PCDH15: variants seen among roughly 807,000 people sequenced by gnomAD.
The protein encoded by PCDH15 is protocadherin-15.
PCDH15 carries 129 observed loss-of-function variants against 178.5 expected under a neutral mutation model. The ratio of observed to expected loss-of-function variants is 0.72; its 90% confidence interval spans 0.63 to 0.84. The LOEUF (loss-of-function observed/expected upper bound fraction) is 0.84. Ranked by LOEUF, PCDH15 falls within the 40% of genes least tolerant of loss-of-function variation. PCDH15 has a pLI of 0.00. For missense variants in PCDH15, 2,230 were observed against 2,099.9 expected, an observed-to-expected ratio of 1.06 and a Z score of -1.21; for synonymous variants, 800 against 732.0, an observed-to-expected ratio of 1.09 and a Z score of -1.50.
At chr10:54,248,856 GA>G (rs1025503619) in intron 8 of PCDH15, among the ~76,000 whole-genome samples, 1 of 151,942 alleles carries the variant, frequency 6.6e-6, no homozygotes, top group Non-Finnish European at 1.5e-5. Flanking sequence ...ATAGGAGTGG[GA>G]AAAAAGAGTA....
At chr10:53,849,933 TA>T (rs202189557) in intron 28 of PCDH15, among the ~76,000 whole-genome samples, 2 of 116,076 alleles carry the variant, frequency 1.7e-5, no homozygotes, top group African/African-American at 3.1e-5. Flanking sequence ...TCATACAAAA[TA>T]AAAAAAAGCT....
chr10:55,481,723 T>C (rs531833499), intron 2 of PCDH15, among the ~76,000 whole-genome samples: 7 of 151,970 alleles, frequency 4.6e-5, no homozygotes, highest in African/African-American at 7.2e-5. Context: ...TTTAGTTCTT[T>C]TGCATTTGCT....
At chr10:53,962,401 T>C (rs2088448437) in intron 21 of PCDH15, among the ~76,000 whole-genome samples, 1 of 152,130 alleles carries the variant, frequency 6.6e-6, no homozygotes, top group African/African-American at 2.4e-5. Context: ...TGTAGTAAAG[T>C]GCAGGAATGG....
chr10:55,042,072 G>C (rs1840876704), intron 2 of PCDH15, among the ~76,000 whole-genome samples: 1 of 152,136 alleles, frequency 6.6e-6, no homozygotes, highest in Non-Finnish European at 1.5e-5. Context: ...AGCACAGCCA[G>C]TGTGGTGAGC....
intron 2 of PCDH15, among the ~76,000 whole-genome samples, chr10:54,929,165 G>GCTTT (rs1250534606): frequency 3.3e-5 from 5 of 152,130 alleles, no homozygotes; most frequent in Non-Finnish European, 7.3e-5. Context: ...CAATTGAATG[G>GCTTT]CTTTCTTTCT....
chr10:54,708,907 A>T (rs888694470), intron 1 of PCDH15, among the ~76,000 whole-genome samples: 2 of 152,152 alleles, frequency 1.3e-5, no homozygotes, highest in African/African-American at 2.4e-5. Flanking sequence ...TCTCTGAAAA[A>T]AAGGAAACAA....
At chr10:54,231,265 C>A (rs1263385240) in intron 9 of PCDH15, among the ~76,000 whole-genome samples, 2 of 152,216 alleles carry the variant, frequency 1.3e-5, no homozygotes, top group African/African-American at 4.8e-5. Flanking sequence ...ACATGGCCCC[C>A]AGATATGCCT....
At chr10:55,340,479 T>C (rs1476398617) in intron 2 of PCDH15, among the ~76,000 whole-genome samples, 1 of 151,962 alleles carries the variant, frequency 6.6e-6, no homozygotes, top group Non-Finnish European at 1.5e-5. Flanking sequence ...TGTGCATTTG[T>C]TATGTTTCAG....
Position 53,879,294 on chromosome 10 carries a change from A to G in PCDH15, c.3502-12437T>C, listed in dbSNP as rs181304501. Among the ~76,000 whole-genome samples the G allele has an allele frequency of 2.4e-3, 370 of 152,310 alleles. 3 individuals are homozygous for G. The highest frequency in any genetic ancestry group is 8.5e-3 in the African/African-American group (353 of 41,584). On this transcript the variant is annotated intron_variant, in intron 26 of 37. Coordinates refer to ENST00000644397, the MANE Select transcript of PCDH15 (RefSeq NM_001384140.1). ...ATCTGCCACTGAGGAAAGTATAGTT[A>G]TTGATGTCTCTTTACTGAATGCTAT...
In PCDH15 at chr10:55,599,960, A is replaced by C. The variant is rs1238315032; in HGVS notation, c.-156+27665T>G. ...AACCAGTGAAATTGACCTACCTATGAAGAGGCGGGTATAAATAAATAGGAG... is the reference window on the plus strand; with the variant it reads ...AACCAGTGAAATTGACCTACCTATGCAGAGGCGGGTATAAATAAATAGGAG... On this transcript the variant is annotated intron_variant, in intron 2 of 5. Transcript: ENST00000613346. 5.3e-6 allele frequency: 8 copies of C among 1,511,396 alleles called. No individual in the cohort carries two copies. The South Asian group carries it at 9.9e-5, about 19-fold the overall frequency. The allele number at this position is 1,511,396 out of a possible 1,614,324, so 93.6% of individuals were successfully genotyped here.
At chr10:54,021,888 A>G (rs1414110211) in intron 19 of PCDH15, among the ~76,000 whole-genome samples, 1 of 151,980 alleles carries the variant, frequency 6.6e-6, no homozygotes, top group Non-Finnish European at 1.5e-5. Context: ...GAGACTTGGC[A>G]TACTATACAT....
intron 1 of PCDH15, among the ~76,000 whole-genome samples, chr10:54,712,680 A>T (rs1189384553): frequency 6.6e-6 from 1 of 151,938 alleles, no homozygotes; most frequent in African/African-American, 2.4e-5. Flanking sequence ...AGCCACGGAA[A>T]ATAACATTCT....
intron 2 of PCDH15, among the ~76,000 whole-genome samples, chr10:54,575,553 A>G (rs1409006194): frequency 2.6e-5 from 4 of 152,158 alleles, no homozygotes; most frequent in African/African-American, 7.2e-5. Flanking sequence ...AAATATTTCC[A>G]TCTATATCAG....
intron 2 of PCDH15, among the ~76,000 whole-genome samples, chr10:55,356,925 G>A (rs749483151): frequency 2.6e-5 from 4 of 151,810 alleles, no homozygotes; most frequent in Non-Finnish European, 4.4e-5. Context: ...TAGATTAAAG[G>A]TACACCTCTA....
At chr10:54,581,792 GTGACAAAGT>G (rs1421300760) in intron 2 of PCDH15, among the ~76,000 whole-genome samples, 1 of 151,976 alleles carries the variant, frequency 6.6e-6, no homozygotes, top group Non-Finnish European at 1.5e-5. Flanking sequence ...CATACGATCT[GTGACAAAGT>G]TGACAAAAGT....
At position 55,442,459 on chromosome 10, in the gene PCDH15, A is replaced by ATATATAT. The variant is rs1554869571; in HGVS notation, c.-156+185159_-156+185165dup. Among the ~76,000 whole-genome samples the ATATATAT allele has an allele frequency of 3.6e-3, 259 of 71,438 alleles. 2 individuals carry two copies. The highest frequency in any genetic ancestry group is 0.015 in the African/African-American group (253 of 16,676). The allele number at this position is 71,438 out of a possible 152,430, so 46.9% of individuals were successfully genotyped here. ...ATAGATGTTTTCTTAATTTGATTATATATATATATATTATATATATATTAT... is the reference window on the plus strand; with the variant it reads ...ATAGATGTTTTCTTAATTTGATTATATATATATTATATATATATTATATATATATTAT... On this transcript the variant is annotated intron_variant, in intron 2 of 5. Transcript: ENST00000613346.
At position 54,342,759 on chromosome 10, in the gene PCDH15, C is replaced by T. The variant is rs573500288; in HGVS notation, c.594+3606G>A. On this transcript the variant is annotated intron_variant, in intron 6 of 37. Transcript: ENST00000644397. ...CTGCAGAGCCACAGGGACATAGCTG[C>T]CCAAGGCCTTGGAAGCTTACCCTTT... Among the ~76,000 whole-genome samples, 5 of 152,286 alleles carry T rather than the reference C, an allele frequency of 3.3e-5. No individual in the cohort carries two copies. In the South Asian group the frequency reaches 1.0e-3, roughly 32 times the overall value.
intron 2 of PCDH15, among the ~76,000 whole-genome samples, chr10:55,388,401 T>C (rs886209438): frequency 6.6e-6 from 1 of 152,080 alleles, no homozygotes; most frequent in Non-Finnish European, 1.5e-5. Context: ...CTGAATCCTG[T>C]TGACTTGCCA....
chr10:53,875,788 G>T (rs1422526932), intron 26 of PCDH15, among the ~76,000 whole-genome samples: 1 of 152,090 alleles, frequency 6.6e-6, no homozygotes, highest in Non-Finnish European at 1.5e-5. Flanking sequence ...AACATTAAAA[G>T]AAAATCACCA....
Sources: allele counts gnomAD v4.1 joint callset (sites outside exome capture counted in the v4.1 genomes callset), GRCh38; gene constraint gnomAD v4.1.1; transcripts MANE v1.5; gene names NCBI Gene and HGNC (gene_info 2026-07-23, HGNC 2026-07-21).